PLB1: variants seen among roughly 807,000 people sequenced by gnomAD.
PLB1 encodes the protein phospholipase B1, membrane-associated.
In PLB1, 242 loss-of-function variants were observed where a neutral mutation model predicts 227.4. The observed-to-expected ratio is 1.06, with a 90% CI of 0.96 to 1.18. The LOEUF (loss-of-function observed/expected upper bound fraction) is 1.18, where lower values mean the gene tolerates loss of function less well. Ranked by LOEUF, PLB1 falls within the 50% of genes most tolerant of loss-of-function variation. PLB1 has a pLI of 0.00. For missense variants in PLB1, 1,858 were observed against 1,816.3 expected (o/e 1.02, Z -0.42); for synonymous variants, 757 against 682.2 (o/e 1.11, Z -1.71).
At chr2:28,618,092 T>G (rs1686450520) in intron 45 of PLB1, among the ~76,000 whole-genome samples, 1 of 152,140 alleles carries the variant, frequency 6.6e-6, no homozygotes, top group South Asian at 2.1e-4. Context: ...ACCCTGCAGC[T>G]GGAACTTTCC....
intron 46 of PLB1, among the ~76,000 whole-genome samples, chr2:28,618,779 G>A (rs1686566618): frequency 6.6e-6 from 1 of 152,132 alleles, no homozygotes; most frequent in Non-Finnish European, 1.5e-5. Flanking sequence ...ACTGCCCCAT[G>A]CTCCCTACTC....
chr2:28,604,732 C>T lies in PLB1; in HGVS notation c.2934C>T (p.Phe978=), dbSNP rs946725900. The change falls in exon 41 of 58, where the codon TTC becomes TTT. Residue 978 remains phenylalanine (F), a synonymous_variant. Coordinates refer to ENST00000327757, the MANE Select transcript of PLB1 (RefSeq NM_153021.5). ...TCTCTGTGGTGCTGCAGCCCTTCTT[C>T]CAGAACATCCAGCTCCCTGTCCTGG... The part of the protein sequence containing the change: ...EDFSVVLQPF[F]QNIQLPVLAD... The T allele has an allele frequency of 2.5e-6, 4 of 1,614,196 alleles. No homozygotes were observed. The highest frequency in any genetic ancestry group is 3.3e-5 in the Admixed American group (2 of 60,028).
chr2:28,626,937 T>C (rs1438649339), intron 51 of PLB1, among the ~76,000 whole-genome samples: 1 of 152,202 alleles, frequency 6.6e-6, no homozygotes, highest in Non-Finnish European at 1.5e-5. Flanking sequence ...GTGGTGGCCC[T>C]GGGAGCCCAA....
At chr2:28,567,560 G>A (rs910163938) in intron 20 of PLB1, among the ~76,000 whole-genome samples, 7 of 130,100 alleles carry the variant, frequency 5.4e-5, no homozygotes, top group Non-Finnish European at 9.2e-5. Context: ...TGCAACCTCC[G>A]CCTCCCTGGT....
rs139046502 is a variant in PLB1, at chr2:28,523,016, C to T, written c.244-2251C>T. 4.3e-4 allele frequency among the ~76,000 whole-genome samples: 65 copies of T among 152,244 alleles called. 1 individual carries two copies. The highest frequency in any genetic ancestry group is 1.6e-3 in the Admixed American group (25 of 15,296). On this transcript the variant is annotated intron_variant, in intron 4 of 57. Coordinates refer to ENST00000327757, the MANE Select transcript of PLB1 (RefSeq NM_153021.5). ...TGGAGCATTCTGTAACCTAGGTATA[C>T]GCACTTCTTTGGAACTACAACTAGC...
chr2:28,511,248 G>T (rs1015827324), intron 1 of PLB1, among the ~76,000 whole-genome samples: 1 of 151,716 alleles, frequency 6.6e-6, no homozygotes, highest in East Asian at 1.9e-4. Flanking sequence ...TTCTGAAAAG[G>T]TTGTAAATAT....
In PLB1 at chr2:28,543,203, C is replaced by A; in HGVS notation, c.880-9C>A. On this transcript the variant is annotated splice_polypyrimidine_tract_variant and intron_variant, in intron 13 of 57. Coordinates refer to ENST00000327757, the MANE Select transcript of PLB1 (RefSeq NM_153021.5). ...CAAAAGGTCCCGCTGTCAACTGGTT[C>A]TCTTTTAGGAGGACCCCCGACTCCA... 6.2e-7 allele frequency: 1 copy of A among 1,606,820 alleles called. No homozygotes were observed. The highest frequency in any genetic ancestry group is 8.5e-7 in the Non-Finnish European group (1 of 1,176,978).
Position 28,587,325 on chromosome 2 carries a change from C to A in PLB1, c.1815+1483C>A, listed in dbSNP as rs568587597. Among the ~76,000 whole-genome samples the A allele has an allele frequency of 4.6e-5, 7 of 152,166 alleles. 1 individual carries two copies. The highest frequency in any genetic ancestry group is 3.9e-4 in the Admixed American group (6 of 15,286). On this transcript the variant is annotated intron_variant, in intron 26 of 57. Coordinates refer to ENST00000327757, the MANE Select transcript of PLB1 (RefSeq NM_153021.5). ...CTTCTAGGGGCCAAGCCATAAGAATCAAAATCAATGCTGGGCGTGGTGACT... is the reference window on the plus strand; with the variant it reads ...CTTCTAGGGGCCAAGCCATAAGAATAAAAATCAATGCTGGGCGTGGTGACT...
In PLB1 at chr2:28,516,869, G is replaced by A. The variant is rs1184509453; in HGVS notation, c.117G>A (p.Glu39=). Residue 39 remains glutamate, a splice_region_variant and synonymous_variant, in exon 2 of 58, where the codon GAG becomes GAA. Coordinates refer to ENST00000327757, the MANE Select transcript of PLB1 (RefSeq NM_153021.5). ...CATTGGAAGGGCAGCTATGGCCAGAGGTAAGGGCTTTGGCTGGTGGGAGGT... is the reference window on the plus strand; with the variant it reads ...CATTGGAAGGGCAGCTATGGCCAGAAGTAAGGGCTTTGGCTGGTGGGAGGT... ...KSTLEGQLWP[E]TLKNSPFPCN... 6.2e-7 allele frequency: 1 copy of A among 1,613,686 alleles called. No individual in the cohort carries two copies. The highest frequency in any genetic ancestry group is 1.7e-5 in the Admixed American group (1 of 60,032).
intron 39 of PLB1, 23 bp from the exon 40 acceptor site, chr2:28,603,943 C>T: frequency 6.2e-7 from 1 of 1,611,230 alleles, no homozygotes; most frequent in South Asian, 1.1e-5. Context: ...TCTGGGGCCT[C>T]CTGCCTCCCC....
intron 53 of PLB1, among the ~76,000 whole-genome samples, chr2:28,630,271 A>G (rs1688416415): frequency 6.6e-6 from 1 of 152,196 alleles, no homozygotes; most frequent in Non-Finnish European, 1.5e-5. Flanking sequence ...CCCAGGGACC[A>G]CAGGCTTGGG....
intron 51 of PLB1, among the ~76,000 whole-genome samples, chr2:28,626,720 G>T (rs1035693148): frequency 1.3e-5 from 2 of 152,208 alleles, no homozygotes; most frequent in African/African-American, 4.8e-5. Context: ...AGGTGCATTG[G>T]TTCCCCAATT....
At chr2:28,534,706 T>G (rs1671449733) in intron 9 of PLB1, among the ~76,000 whole-genome samples, 1 of 152,008 alleles carries the variant, frequency 6.6e-6, no homozygotes, top group South Asian at 2.1e-4. Flanking sequence ...ATACAAAAAT[T>G]AGCCGGGCTT....
intron 21 of PLB1, among the ~76,000 whole-genome samples, chr2:28,576,782 C>T (rs551115459): frequency 1.7e-4 from 26 of 152,252 alleles, no homozygotes; most frequent in South Asian, 8.3e-4. Context: ...TCTGTTCCAT[C>T]GACAGAGCAG....
chr2:28,633,967 G>A (rs758705100), intron 56 of PLB1, among the ~76,000 whole-genome samples: 3 of 152,104 alleles, frequency 2.0e-5, no homozygotes, highest in Non-Finnish European at 2.9e-5. Flanking sequence ...CTGTGCAAAC[G>A]TTCCCACCCC....
intron 57 of PLB1, among the ~76,000 whole-genome samples, chr2:28,641,427 G>A (rs148420713): frequency 6.6e-6 from 1 of 152,312 alleles, no homozygotes; most frequent in East Asian, 1.9e-4. Context: ...GGCCAACATA[G>A]TGAAACCCCG....
At chr2:28,618,732 ATC>A (rs1348656250) in intron 46 of PLB1, among the ~76,000 whole-genome samples, 2 of 152,168 alleles carry the variant, frequency 1.3e-5, no homozygotes, top group African/African-American at 4.8e-5. Context: ...ACTCATCTCC[ATC>A]TACCCAGACT....
At chr2:28,524,765 T>C in intron 4 of PLB1, among the ~76,000 whole-genome samples, 1 of 151,730 alleles carries the variant, frequency 6.6e-6, no homozygotes, top group Admixed American at 6.6e-5. Context: ...CTGACAAACA[T>C]GCTGCAGAGG....
chr2:28,517,026 G>A (rs879759645), intron 2 of PLB1, among the ~76,000 whole-genome samples, 157 bp downstream of exon 2: 2 of 152,196 alleles, frequency 1.3e-5, no homozygotes, highest in African/African-American at 2.4e-5. Flanking sequence ...ATGGACAGCC[G>A]GGGTGTCCGG....
Sources: allele counts gnomAD v4.1 joint callset (sites outside exome capture counted in the v4.1 genomes callset), GRCh38; gene constraint gnomAD v4.1.1; transcripts MANE v1.5; gene names NCBI Gene and HGNC (gene_info 2026-07-23, HGNC 2026-07-21).